DUSP13B: variants seen among roughly 807,000 people sequenced by gnomAD.
DUSP13B encodes the protein dual specificity phosphatase 13B.
chr10:75,105,959 C>T, the DUSP13B span: 252 of 1,205,912 alleles, frequency 2.1e-4, 1 homozygote, highest in East Asian at 6.1e-3. Flanking sequence ...CCTGACCCTG[C>T]CTTGGGTGCA....
chr10:75,097,796 G>A, the DUSP13B span: 13 of 1,613,816 alleles, frequency 8.1e-6, no homozygotes, highest in African/African-American at 2.7e-5. Context: ...GCGCTGCAGC[G>A]AAGCCAATGT....
chr10:75,094,968 G>T, the DUSP13B span: 1 of 1,159,958 alleles, frequency 8.6e-7, no homozygotes, highest in Non-Finnish European at 1.2e-6. Context: ...ATCCTCTACA[G>T]TATCCTGGAA....
chr10:75,109,168 G>T, the DUSP13B span: 1 of 1,560,334 alleles, frequency 6.4e-7, no homozygotes, highest in Non-Finnish European at 8.7e-7. Flanking sequence ...GGGCCAGCCC[G>T]CCCACCCCTC....
the DUSP13B span, among the ~76,000 whole-genome samples, chr10:75,106,152 G>A: frequency 2.7e-5 from 4 of 145,958 alleles, no homozygotes; most frequent in East Asian, 6.0e-4. Flanking sequence ...ATGTTGCCCA[G>A]GCTGGTCTTG....
At chr10:75,098,738 G>T in the DUSP13B span, among the ~76,000 whole-genome samples, 1 of 152,154 alleles carries the variant, frequency 6.6e-6, no homozygotes, top group East Asian at 1.9e-4. Context: ...CTCCAGCCTG[G>T]GCAACAGAGC....
At chr10:75,108,567 C>A in the DUSP13B span, among the ~76,000 whole-genome samples, 4 of 152,196 alleles carry the variant, frequency 2.6e-5, no homozygotes, top group African/African-American at 9.6e-5. Context: ...CTGGCTACCA[C>A]CTCATACCTG....
the DUSP13B span, chr10:75,108,036 G>C: frequency 6.2e-7 from 1 of 1,613,848 alleles, no homozygotes; most frequent in Admixed American, 1.7e-5. Context: ...AGCCGCAGAG[G>C]AGAAGTAGGC....
chr10:75,094,465 A>G, the DUSP13B span: 1 of 585,450 alleles, frequency 1.7e-6, no homozygotes, highest in Non-Finnish European at 3.0e-6. Context: ...TATTATAGAG[A>G]TGGACTGAAC....
the DUSP13B span, chr10:75,108,206 G>T: frequency 6.3e-7 from 1 of 1,598,574 alleles, no homozygotes; most frequent in East Asian, 2.2e-5. Context: ...TGTTTGCCGT[G>T]GCCCTGGGGA....
the DUSP13B span, among the ~76,000 whole-genome samples, chr10:75,102,798 C>G: frequency 6.6e-6 from 1 of 151,834 alleles, no homozygotes; most frequent in African/African-American, 2.4e-5. Context: ...ACTAAAAATA[C>G]AAAATTAGCT....
the DUSP13B span, chr10:75,108,018 A>G: frequency 5.0e-5 from 81 of 1,613,306 alleles, no homozygotes; most frequent in African/African-American, 9.5e-4. Flanking sequence ...GGCACGGTGG[A>G]TGAAGTCAGC....
chr10:75,095,732 A>G, the DUSP13B span: 1 of 1,614,226 alleles, frequency 6.2e-7, no homozygotes, highest in South Asian at 1.1e-5. Flanking sequence ...ACTTGCCTGC[A>G]GCGGCATTCA....
the DUSP13B span, among the ~76,000 whole-genome samples, chr10:75,105,053 G>A: frequency 1.1e-4 from 16 of 152,192 alleles, 1 homozygote; most frequent in South Asian, 4.1e-4. Context: ...GGCTTGAGGC[G>A]AGACAGGCAA....
At chr10:75,096,606 A>C in the DUSP13B span, among the ~76,000 whole-genome samples, 2 of 151,316 alleles carry the variant, frequency 1.3e-5, no homozygotes, top group Non-Finnish European at 2.9e-5. Flanking sequence ...AAAATTAGCT[A>C]GGTGTGGTTG....
the DUSP13B span, among the ~76,000 whole-genome samples, chr10:75,106,656 G>A: frequency 6.6e-6 from 1 of 152,328 alleles, no homozygotes; most frequent in South Asian, 2.1e-4. Context: ...CTTATGAGTA[G>A]CTCTCACTAT....
At chr10:75,094,796 C>T in the DUSP13B span, 4 of 1,614,190 alleles carry the variant, frequency 2.5e-6, no homozygotes, top group Non-Finnish European at 3.4e-6. Flanking sequence ...CTACCAGCGT[C>T]ATGTTCTCAC....
the DUSP13B span, among the ~76,000 whole-genome samples, chr10:75,103,501 CT>C: frequency 6.6e-6 from 1 of 152,342 alleles, no homozygotes; most frequent in Admixed American, 6.5e-5. Flanking sequence ...GAGAGATGGT[CT>C]TTAAGGTCTC....
chr10:75,101,846 A>T, the DUSP13B span: 1 of 1,325,924 alleles, frequency 7.5e-7, no homozygotes, highest in South Asian at 1.2e-5. Flanking sequence ...TACCCCCCCC[A>T]AATTAGGAGC....
the DUSP13B span, chr10:75,097,911 G>C: frequency 4.5e-6 from 7 of 1,539,076 alleles, no homozygotes; most frequent in East Asian, 9.5e-5. Flanking sequence ...CACCGCAGTG[G>C]CTGGAGGCAG....
Sources: allele counts gnomAD v4.1 joint callset (sites outside exome capture counted in the v4.1 genomes callset), GRCh38; gene constraint gnomAD v4.1.1; transcripts MANE v1.5; gene names NCBI Gene and HGNC (gene_info 2026-07-23, HGNC 2026-07-21).